The following ZNF292 variants were observed in gnomAD, a reference collection of about 807,000 sequenced individuals.
The protein encoded by ZNF292 is 16 zinc-finger domain protein.
Under a neutral mutation model 217.9 loss-of-function variants are expected in ZNF292, and 26 were observed. The ratio of observed to expected loss-of-function variants is 0.12; its 90% CI spans 0.09 to 0.17. The LOEUF is 0.17. ZNF292 is among the 10% of genes least tolerant of loss of function. The probability of loss-of-function intolerance (pLI) is 1.00; values close to 1 mark genes in which losing one functional copy is unlikely to be tolerated. For missense variants in ZNF292, 2,904 were observed against 3,175.2 expected, an observed-to-expected ratio of 0.91 and a Z score of 2.05; for synonymous variants, 1,257 against 1,124.1, an observed-to-expected ratio of 1.12 and a Z score of -2.37.
chr6:87,255,038 T>C lies in ZNF292; in HGVS notation c.1409T>C (p.Ile470Thr). The C allele has an allele frequency of 6.2e-7, 1 of 1,613,814 alleles. No individual in the cohort carries two copies. The highest frequency in any genetic ancestry group is 8.5e-7 in the Non-Finnish European group (1 of 1,179,846). Residue 470 changes from isoleucine (I) to threonine (T), a missense_variant, in exon 8 of 8, where the codon ATA (isoleucine) becomes ACA (threonine). Around this residue, in one of 15 missense-constraint regions of ZNF292, gnomAD observed 87 missense variants for 99.6 expected, o/e 0.87. Transcript: ENST00000369577. ...GAAGAAGCATCCATTGTGTCTTCAATAGATGAACTAAATGACAGTGAAGTA... is the reference window on the plus strand; with the variant it reads ...GAAGAAGCATCCATTGTGTCTTCAACAGATGAACTAAATGACAGTGAAGTA... ...MGEEASIVSS[I>T]DELNDSEVYE...
At position 87,156,127 on chromosome 6, in the gene ZNF292, A is replaced by AT. The variant is rs1228818428; in HGVS notation, c.168+370dup. Among the ~76,000 whole-genome samples, 3 of 152,182 alleles carry AT rather than the reference A, an allele frequency of 2.0e-5. No homozygotes were observed. The East Asian group carries it at 5.8e-4, about 29-fold the overall frequency. ...CTCCTCCTTTTATTGTGCACTGGGGATTACCGCGCCTCCCGCCTCTGCGCC... is the reference window on the plus strand; with the variant it reads ...CTCCTCCTTTTATTGTGCACTGGGGATTTACCGCGCCTCCCGCCTCTGCGCC... On this transcript the variant is annotated intron_variant, in intron 1 of 7. Transcript: ENST00000369577.
chr6:87,176,999 G>A (rs987618633), intron 1 of ZNF292, among the ~76,000 whole-genome samples: 1 of 150,866 alleles, frequency 6.6e-6, no homozygotes, highest in Non-Finnish European at 1.5e-5. Context: ...CGCCTCCCCC[G>A]GCCCCCCACT....
chr6:87,257,362 G>T lies in ZNF292; in HGVS notation c.3733G>T (p.Asp1245Tyr), dbSNP rs1775285360. 6.2e-7 allele frequency: 1 copy of T among 1,613,528 alleles called. No homozygotes were observed. The highest frequency in any genetic ancestry group is 8.5e-7 in the Non-Finnish European group (1 of 1,179,762). ...TACTGCCTTGCCAGCACAAATGGAAGATCTAACCAAAACAGTTCTGCCTTT... is the reference window on the plus strand; with the variant it reads ...TACTGCCTTGCCAGCACAAATGGAATATCTAACCAAAACAGTTCTGCCTTT... ...PSTALPAQMEDLTKTVLPLNI... is the reference protein window; with the variant it reads ...PSTALPAQMEYLTKTVLPLNI... Residue 1245 changes from aspartate (D) to tyrosine (Y), a missense_variant, in exon 8 of 8, where the codon GAT (aspartate) becomes TAT (tyrosine). Physicochemically the swap from Asp to Tyr is radical, Grantham distance 160. Around this residue, in one of 15 missense-constraint regions of ZNF292, gnomAD observed 687 missense variants for 623.0 expected, o/e 1.10. Transcript: ENST00000369577.
chr6:87,234,460 G>A lies in ZNF292; in HGVS notation c.741+933G>A, dbSNP rs186196516. 2.1e-3 allele frequency among the ~76,000 whole-genome samples: 313 copies of A among 152,108 alleles called. 1 individual carries two copies. Among genetic ancestry groups the A allele is most frequent in the African/African-American group, 7.2e-3 (300 of 41,462 alleles). On this transcript the variant is annotated intron_variant, in intron 5 of 7. Coordinates refer to ENST00000369577, the MANE Select transcript of ZNF292 (RefSeq NM_015021.3). ...TGTAATCCCAGCTACTTGGTAGGCTGAGGCAGGAGAATCGTTTGAACCTGG... is the reference window on the plus strand; with the variant it reads ...TGTAATCCCAGCTACTTGGTAGGCTAAGGCAGGAGAATCGTTTGAACCTGG...
intron 1 of ZNF292, among the ~76,000 whole-genome samples, chr6:87,184,470 CT>C (rs35294887): frequency 3.9e-3 from 452 of 115,098 alleles, no homozygotes; most frequent in African/African-American, 7.0e-3. Context: ...TTACCATAGG[CT>C]TTTTTTTTTT....
rs764995318 is a variant in ZNF292, at chr6:87,259,765, GA to G, written c.6145del (p.Ser2049ValfsTer11). ...VAVIPEKQLV[E>X]KKSPDKTESS... ...AGTGATCCCAGAAAAACAACTTGTA[GA>G]AAAAAAAAGTCCTGACAAAACAGAA... On this transcript the variant is annotated frameshift_variant, in exon 8 of 8. Transcript: ENST00000369577. LOFTEE classifies it high-confidence loss of function. 1.2e-5 allele frequency: 19 copies of G among 1,595,834 alleles called. No homozygotes were observed. The highest frequency in any genetic ancestry group is 7.0e-5 in the Admixed American group (4 of 56,810).
At chr6:87,241,081 G>A (rs1248067680) in intron 5 of ZNF292, among the ~76,000 whole-genome samples, 1 of 152,172 alleles carries the variant, frequency 6.6e-6, no homozygotes, top group Non-Finnish European at 1.5e-5. Context: ...TCAGGAGATC[G>A]AGACCATCCT....
chr6:87,179,158 C>CTTTTTTTT (rs10670719), intron 1 of ZNF292, among the ~76,000 whole-genome samples: 47 of 116,344 alleles, frequency 4.0e-4, no homozygotes, highest in African/African-American at 1.4e-3. Context: ...ATATATGTGG[C>CTTTTTTTT]TTTTTTTTTT....
intron 5 of ZNF292, among the ~76,000 whole-genome samples, chr6:87,238,635 ATTTAT>A (rs201776278): frequency 0.073 from 7,756 of 106,358 alleles, 230 homozygotes; most frequent in Non-Finnish European, 0.089. Context: ...TTCAGTAAGT[ATTTAT>A]TTTTTTTATT....
chr6:87,172,642 A>G (rs1413188603), intron 1 of ZNF292, among the ~76,000 whole-genome samples: 3 of 152,314 alleles, frequency 2.0e-5, no homozygotes, highest in Non-Finnish European at 2.9e-5. Context: ...ATGGTGGCTC[A>G]TACCTGTAAT....
intron 1 of ZNF292, among the ~76,000 whole-genome samples, chr6:87,168,982 T>C (rs1304514595): frequency 5.3e-5 from 8 of 152,128 alleles, no homozygotes; most frequent in East Asian, 3.8e-4. Flanking sequence ...ATAGTTGTTA[T>C]ACGGTTTTGG....
chr6:87,220,451 A>C (rs9450636), intron 4 of ZNF292, among the ~76,000 whole-genome samples: 56,956 of 151,840 alleles, frequency 0.38, 11,149 homozygotes, highest in Admixed American at 0.52. Context: ...TTTTCATACC[A>C]CATTACCAGT....
In ZNF292 at chr6:87,260,907, A is replaced by T. The variant is rs1198758322; in HGVS notation, c.7278A>T (p.Val2426=). 6.2e-7 allele frequency: 1 copy of T among 1,610,722 alleles called. No homozygotes were observed. Among genetic ancestry groups the T allele is most frequent in the Non-Finnish European group, 8.5e-7 (1 of 1,178,356 alleles). Residue 2426 remains valine (V), a synonymous_variant, in exon 8 of 8, where the codon GTA becomes GTT. Transcript: ENST00000369577. ...CACAACACCGAAATCTTCTTATTGT[A>T]TTCAAACGGTGTTGCAACTCACAAG... The part of the protein sequence containing the change: ...FTSQHRNLLI[V]FKRCCNSQVK...
At chr6:87,161,280 G>A (rs989938073) in intron 1 of ZNF292, among the ~76,000 whole-genome samples, 2 of 152,264 alleles carry the variant, frequency 1.3e-5, no homozygotes, top group South Asian at 4.2e-4. Context: ...TATATGCAAG[G>A]ACCTAGGTTT....
At chr6:87,184,642 G>A (rs151135757) in intron 1 of ZNF292, among the ~76,000 whole-genome samples, 116 of 152,216 alleles carry the variant, frequency 7.6e-4, no homozygotes, top group African/African-American at 2.7e-3. Flanking sequence ...AGATTTATTA[G>A]GAGAATTCAC....
intron 1 of ZNF292, among the ~76,000 whole-genome samples, chr6:87,185,004 A>T (rs967913338): frequency 3.3e-5 from 5 of 152,242 alleles, no homozygotes; most frequent in African/African-American, 1.2e-4. Context: ...ACTCAGACTC[A>T]CACACTAATG....
At chr6:87,238,616 T>G (rs887716789) in intron 5 of ZNF292, among the ~76,000 whole-genome samples, 22 of 117,182 alleles carry the variant, frequency 1.9e-4, no homozygotes, top group Non-Finnish European at 3.2e-4. Flanking sequence ...ATTTTTTTGG[T>G]TTTTTTTTTT....
intron 3 of ZNF292, among the ~76,000 whole-genome samples, chr6:87,217,505 T>C (rs1772847932): frequency 6.7e-6 from 1 of 149,082 alleles, no homozygotes; most frequent in Admixed American, 6.6e-5. Flanking sequence ...AGGTAAATTA[T>C]TTTGAAACTT....
chr6:87,202,693 TGA>T, intron 1 of ZNF292, among the ~76,000 whole-genome samples: 1 of 152,218 alleles, frequency 6.6e-6, no homozygotes, highest in Non-Finnish European at 1.5e-5. Flanking sequence ...AAAGAGATAC[TGA>T]TTCTTCTTTA....
Sources: allele counts gnomAD v4.1 joint callset (sites outside exome capture counted in the v4.1 genomes callset), GRCh38; gene constraint gnomAD v4.1.1; regional missense constraint gnomAD v4.1.1; transcripts MANE v1.5; gene names NCBI Gene and HGNC (gene_info 2026-07-23, HGNC 2026-07-21).